The following CADM2 variants were observed in gnomAD, a reference collection of about 807,000 sequenced individuals.
CADM2 encodes immunoglobulin superfamily member 4D.
Under a neutral mutation model 49.8 loss-of-function variants are expected in CADM2, and 12 were observed. The ratio of observed to expected loss-of-function variants is 0.24; its 90% CI spans 0.15 to 0.39. CADM2 has a LOEUF of 0.39. Ranked by LOEUF, CADM2 falls within the 10% of genes least tolerant of loss-of-function variation. The pLI, the probability that CADM2 is intolerant of heterozygous loss-of-function variation, is 1.00. For missense variants in CADM2, 378 were observed against 492.3 expected, an observed-to-expected ratio of 0.77 and a Z score of 2.20; for synonymous variants, 214 against 175.4, an observed-to-expected ratio of 1.22 and a Z score of -1.74.
chr3:85,146,801 T>A (rs2039757281), intron 1 of CADM2, among the ~76,000 whole-genome samples: 1 of 152,222 alleles, frequency 6.6e-6, no homozygotes, highest in African/African-American at 2.4e-5. Flanking sequence ...AGATTGAGAA[T>A]AATTGTATCG....
chr3:85,635,702 A>G (rs1447034865), intron 1 of CADM2, among the ~76,000 whole-genome samples: 1 of 152,194 alleles, frequency 6.6e-6, no homozygotes, highest in Admixed American at 6.5e-5. Flanking sequence ...CATACAATTT[A>G]ACAAATAATA....
At chr3:85,751,892 C>T (rs1299131242) in intron 2 of CADM2, among the ~76,000 whole-genome samples, 2 of 152,170 alleles carry the variant, frequency 1.3e-5, no homozygotes, top group South Asian at 2.1e-4. Context: ...AGGTAAATGT[C>T]TCTTCTGACA....
At chr3:85,204,468 T>A (rs2041582790) in intron 1 of CADM2, among the ~76,000 whole-genome samples, 1 of 152,164 alleles carries the variant, frequency 6.6e-6, no homozygotes, top group South Asian at 2.1e-4. Flanking sequence ...ACGTTCCATC[T>A]CCTCTAAGAA....
intron 1 of CADM2, among the ~76,000 whole-genome samples, chr3:85,197,794 G>A (rs1026042479): frequency 3.3e-5 from 5 of 151,838 alleles, no homozygotes; most frequent in African/African-American, 9.7e-5. Context: ...ATTTTTACTT[G>A]TTTTACATGT....
chr3:85,716,138 C>G (rs1577149045), intron 1 of CADM2, among the ~76,000 whole-genome samples: 1 of 152,276 alleles, frequency 6.6e-6, no homozygotes, highest in East Asian at 1.9e-4. Context: ...TAAAAGTGTT[C>G]CTATTTCTCC....
intron 1 of CADM2, among the ~76,000 whole-genome samples, chr3:85,269,287 A>G (rs1360491266): frequency 1.3e-5 from 2 of 151,550 alleles, no homozygotes; most frequent in East Asian, 1.9e-4. Context: ...TTAGTTATTC[A>G]TTTACACTGT....
At chr3:85,551,139 A>C (rs2107116296) in intron 1 of CADM2, among the ~76,000 whole-genome samples, 1 of 151,922 alleles carries the variant, frequency 6.6e-6, no homozygotes, top group South Asian at 2.1e-4. Context: ...GTGCACCACC[A>C]TGCTCAGTTG....
At chr3:85,575,236 G>T (rs4856596) in intron 1 of CADM2, among the ~76,000 whole-genome samples, 78,149 of 152,106 alleles carry the variant, frequency 0.51, 23,105 homozygotes, top group East Asian at 0.85. Context: ...GAAAATGCAT[G>T]AACTTACCAA....
At chr3:85,385,800 C>CTTTTTTT (rs3086134) in intron 1 of CADM2, 13 of 127,460 alleles carry the variant, frequency 1.0e-4, no homozygotes, top group Non-Finnish European at 1.6e-4. Flanking sequence ...TTCTCTCTCT[C>CTTTTTTT]TTTTTTTTTT....
chr3:85,133,258 C>T (rs1198430444), intron 1 of CADM2, among the ~76,000 whole-genome samples: 2 of 152,206 alleles, frequency 1.3e-5, no homozygotes, highest in Non-Finnish European at 2.9e-5. Context: ...TTTGCCACCA[C>T]TCGCTCGGGC....
chr3:85,383,514 A>ATG (rs1301954318), intron 1 of CADM2, among the ~76,000 whole-genome samples: 12 of 5,028 alleles, frequency 2.4e-3, no homozygotes, highest in African/African-American at 4.0e-3. Flanking sequence ...ATATATATAT[A>ATG]TGTATATATA....
intron 1 of CADM2, among the ~76,000 whole-genome samples, chr3:85,251,396 T>G (rs944472277): frequency 7.2e-5 from 11 of 151,840 alleles, no homozygotes; most frequent in Non-Finnish European, 1.3e-4. Flanking sequence ...CAGATAAAAA[T>G]TTTGATTTAA....
At chr3:85,517,182 A>G (rs1448335733) in intron 1 of CADM2, among the ~76,000 whole-genome samples, 1 of 151,904 alleles carries the variant, frequency 6.6e-6, no homozygotes, top group Non-Finnish European at 1.5e-5. Context: ...TGATGGTTAG[A>G]TCTTTTAAAA....
chr3:85,107,175 C>T (rs2038259792), intron 1 of CADM2, among the ~76,000 whole-genome samples: 1 of 152,012 alleles, frequency 6.6e-6, no homozygotes, highest in African/African-American at 2.4e-5. Context: ...AATATTGATA[C>T]TCTTAAATAA....
At chr3:85,221,649 G>A (rs945554800) in intron 1 of CADM2, among the ~76,000 whole-genome samples, 2 of 152,106 alleles carry the variant, frequency 1.3e-5, no homozygotes, top group African/African-American at 2.4e-5. Flanking sequence ...TAGGCATTAT[G>A]CCATAAATAT....
intron 1 of CADM2, among the ~76,000 whole-genome samples, chr3:85,168,083 T>G (rs1340727130): frequency 6.6e-6 from 1 of 151,806 alleles, no homozygotes; most frequent in Non-Finnish European, 1.5e-5. Flanking sequence ...TGAGGTGGAG[T>G]CTCCCTCTGT....
intron 2 of CADM2, among the ~76,000 whole-genome samples, chr3:85,792,672 G>A (rs1340297552): frequency 2.0e-5 from 3 of 152,152 alleles, no homozygotes; most frequent in African/African-American, 7.2e-5. Flanking sequence ...TTAATCTTTA[G>A]CACAGGAAGA....
intron 1 of CADM2, among the ~76,000 whole-genome samples, chr3:85,589,829 A>G (rs112054165): frequency 1.2e-3 from 175 of 152,164 alleles, no homozygotes; most frequent in African/African-American, 4.0e-3. Flanking sequence ...ATCATTAAGA[A>G]GGAATGAGAA....
At chr3:85,067,062 T>A (rs1559643400) in intron 1 of CADM2, among the ~76,000 whole-genome samples, 1 of 152,320 alleles carries the variant, frequency 6.6e-6, no homozygotes. Flanking sequence ...TTAAGTAGGC[T>A]TTAAAAATTT....
Sources: allele counts gnomAD v4.1 joint callset (sites outside exome capture counted in the v4.1 genomes callset), GRCh38; gene constraint gnomAD v4.1.1; transcripts MANE v1.5; gene names NCBI Gene and HGNC (gene_info 2026-07-23, HGNC 2026-07-21).